MADD: variants seen among roughly 807,000 people sequenced by gnomAD.
MADD encodes the protein MAP kinase activating death domain.
A neutral mutation model predicts 176.7 loss-of-function variants in MADD; 109 were observed. The ratio of observed to expected loss-of-function variants is 0.62; its 90% CI spans 0.53 to 0.72. MADD has a LOEUF of 0.72. MADD is among the 30% of genes least tolerant of loss of function. MADD has a pLI of 0.00. For missense variants in MADD, 1,914 were observed against 2,045.5 expected (o/e 0.94, Z 1.24); for synonymous variants, 771 against 771.3 (o/e 1.00, Z 0.01).
At chr11:47,275,786 A>T in intron 3 of MADD, 113 bp from the exon 4 acceptor site, 1 of 1,055,782 alleles carries the variant, frequency 9.5e-7, no homozygotes, top group South Asian at 1.6e-5. Flanking sequence ...GGGCTTTCTT[A>T]ATGATGCTCC....
intron 1 of MADD, chr11:47,270,532 C>G (rs1316855085): frequency 1.4e-5 from 2 of 139,012 alleles, no homozygotes; most frequent in African/African-American, 2.7e-5. Context: ...AACTGTCCAG[C>G]AGGTGAGGGG....
chr11:47,321,206 G>C (rs1440930505), intron 27 of MADD, among the ~76,000 whole-genome samples: 1 of 152,112 alleles, frequency 6.6e-6, no homozygotes, highest in Non-Finnish European at 1.5e-5. Context: ...AATGTGTTCT[G>C]CCTGCCTTTA....
chr11:47,300,351 C>T (rs373647805), intron 22 of MADD, among the ~76,000 whole-genome samples: 7 of 150,594 alleles, frequency 4.6e-5, no homozygotes, highest in South Asian at 2.1e-4. Context: ...GGATTACAGG[C>T]GCCCACGACC....
chr11:47,305,443 T>C (rs566766320), intron 22 of MADD, among the ~76,000 whole-genome samples: 59 of 152,180 alleles, frequency 3.9e-4, no homozygotes, highest in African/African-American at 1.4e-3. Context: ...GGATAGGCCA[T>C]AGCACTGGCC....
intron 15 of MADD, 135 bp downstream of exon 16, chr11:47,289,162 C>T: frequency 1.1e-6 from 1 of 927,402 alleles, no homozygotes; most frequent in Non-Finnish European, 1.7e-6. Context: ...CCGTGACGCC[C>T]ATGCTTGCCC....
chr11:47,285,708 C>G, intron 14 of MADD, 118 bp downstream of exon 14: 2 of 1,396,588 alleles, frequency 1.4e-6, no homozygotes, highest in Non-Finnish European at 2.0e-6. Context: ...ATTAGCAAGC[C>G]CTAATCCAGT....
intron 30 of MADD, chr11:47,324,973 G>T: frequency 1.7e-6 from 1 of 578,964 alleles, no homozygotes; most frequent in Non-Finnish European, 3.1e-6. Context: ...CGATCTCCTT[G>T]TGTCTTTCTG....
intron 20 of MADD, 61 bp downstream of exon 22, chr11:47,294,044 T>A: frequency 7.5e-7 from 1 of 1,330,308 alleles, no homozygotes; most frequent in Non-Finnish European, 1.1e-6. Flanking sequence ...AATACTTCTT[T>A]AAGTTAAAAT....
chr11:47,315,192 T>G, intron 26 of MADD, 28 bp from the exon 30 acceptor site: 12 of 1,401,536 alleles, frequency 8.6e-6, no homozygotes, highest in Non-Finnish European at 1.2e-5. Flanking sequence ...GATGTATGAC[T>G]GTCCCTAAAA....
At position 47,278,343 on chromosome 11, in the gene MADD, G is replaced by C; in HGVS notation, c.1209+65G>C. ...GATTGCATTCTAGACCCAGTCCTGA[G>C]ATATCTGTTTCTAGATTCCTTTCAG... On this transcript the variant is annotated intron_variant, in intron 6 of 32. Coordinates refer to ENST00000402192, the Ensembl canonical transcript of MADD. 2.6e-6 allele frequency: 3 copies of C among 1,169,836 alleles called. No homozygotes were observed. In the East Asian group the frequency reaches 7.1e-5, roughly 27 times the overall value. 72.5% of individuals were successfully genotyped at this position (1,169,836 alleles called of 1,614,324 possible).
chr11:47,319,114 AAT>A (rs145592479), intron 27 of MADD, among the ~76,000 whole-genome samples: 10,902 of 134,870 alleles, frequency 0.081, 569 homozygotes, highest in South Asian at 0.12. Flanking sequence ...GGCCAAGGAA[AAT>A]ATATATATAT....
chr11:47,279,381 C>CTTTTTT (rs34428529), intron 7 of MADD, among the ~76,000 whole-genome samples: 3 of 116,820 alleles, frequency 2.6e-5, no homozygotes, highest in South Asian at 2.9e-4. Flanking sequence ...TTTTCTCAGT[C>CTTTTTT]TTTTTTTTTT....
chr11:47,279,199 C>T, intron 7 of MADD, 120 bp downstream of exon 7: 1 of 891,366 alleles, frequency 1.1e-6, no homozygotes, highest in Non-Finnish European at 1.8e-6. Context: ...TTTCTTCACC[C>T]TGGATGGGCT....
chr11:47,314,630 C>T (rs1245851285), intron 26 of MADD, among the ~76,000 whole-genome samples: 2 of 152,140 alleles, frequency 1.3e-5, no homozygotes, highest in African/African-American at 4.8e-5. Context: ...GCTTCTGCTT[C>T]CCAAGTTCTG....
intron 25 of MADD, among the ~76,000 whole-genome samples, chr11:47,310,724 T>TG (rs532474557): frequency 2.0e-3 from 301 of 151,462 alleles, no homozygotes; most frequent in African/African-American, 7.1e-3. Flanking sequence ...TTGACCAATA[T>TG]GGTGAAATCC....
At chr11:47,294,874 T>C (rs1190662954) in intron 20 of MADD, among the ~76,000 whole-genome samples, 1 of 152,142 alleles carries the variant, frequency 6.6e-6, no homozygotes, top group Non-Finnish European at 1.5e-5. Flanking sequence ...TTAAAATGTA[T>C]TGAGAAAAAA....
chr11:47,305,358 A>G (rs952188346), intron 22 of MADD, among the ~76,000 whole-genome samples: 1 of 152,122 alleles, frequency 6.6e-6, no homozygotes, highest in African/African-American at 2.4e-5. Context: ...GGTTGCCCAC[A>G]GAGCCAGGAT....
chr11:47,288,909 AG>A (rs1301463375), intron 15 of MADD, 58 bp from the exon 16 acceptor site: 3 of 1,198,760 alleles, frequency 2.5e-6, no homozygotes, highest in Non-Finnish European at 3.6e-6. Context: ...TGCTCCTCGG[AG>A]GGGTAGAGGG....
At chr11:47,276,265 C>A (rs2049737405) in intron 4 of MADD, 63 bp downstream of exon 4, 3 of 1,475,832 alleles carry the variant, frequency 2.0e-6, no homozygotes, top group Middle Eastern at 1.8e-4. Flanking sequence ...AGTGGCCAGA[C>A]CACGAGCTCT....
Sources: gnomAD v4.1 joint callset for allele counts (sites outside exome capture counted in the v4.1 genomes callset) on GRCh38, gnomAD v4.1.1 for gene constraint, MANE v1.5 for transcripts, NCBI Gene and HGNC (gene_info 2026-07-23, HGNC 2026-07-21) for gene names.